The following DIAPH3 variants were observed in gnomAD, a reference collection of about 807,000 sequenced individuals.
DIAPH3 encodes diaphanous related formin 3.
DIAPH3 carries 117 observed loss-of-function variants against 144.3 expected under a neutral mutation model. The ratio of observed to expected loss-of-function variants is 0.81; its 90% CI spans 0.70 to 0.95. The LOEUF (loss-of-function observed/expected upper bound fraction) is 0.95. Among genes scored for constraint, DIAPH3 ranks in the 40% least tolerant of loss-of-function variants. DIAPH3 has a pLI of 0.00. For missense variants in DIAPH3, 1,421 were observed against 1,412.7 expected (o/e 1.01, Z -0.09); for synonymous variants, 519 against 488.9 (o/e 1.06, Z -0.81).
chr13:59,998,381 T>A (rs2052332774), intron 9 of DIAPH3, among the ~76,000 whole-genome samples: 1 of 152,144 alleles, frequency 6.6e-6, no homozygotes, highest in African/African-American at 2.4e-5. Context: ...TTCTTGAGTA[T>A]AAGCTTCTTA....
At chr13:60,038,588 A>G (rs1433428877) in intron 5 of DIAPH3, among the ~76,000 whole-genome samples, 2 of 152,164 alleles carry the variant, frequency 1.3e-5, no homozygotes, top group African/African-American at 4.8e-5. Flanking sequence ...TTTCTGCAAA[A>G]TTTTCCAAAA....
Position 59,774,218 on chromosome 13 carries a change from T to C in DIAPH3, c.3290A>G (p.Gln1097Arg), listed in dbSNP as rs1443207416. 6.2e-7 allele frequency: 1 copy of C among 1,612,982 alleles called. No individual in the cohort carries two copies. Among genetic ancestry groups the C allele is most frequent in the Non-Finnish European group, 8.5e-7 (1 of 1,179,632 alleles). ...GTTACAAACTTTCAGAACAGGCCTC[T>C]GAGACATTGGACTGAGACTCTGCCG... is the stretch of plus-strand genomic sequence containing the variant. ...DVRQSLSPMS[Q>R]RPVLKVCNHE... The change falls in exon 27 of 28, where the codon CAG becomes CGG. Residue 1097 changes from glutamine (Q) to arginine (R), a missense_variant. Gln to Arg is a conservative substitution (Grantham distance 43). Transcript: ENST00000400324.
chr13:60,070,282 A>AT lies in DIAPH3; in HGVS notation c.495+23345dup, dbSNP rs61432510. Among the ~76,000 whole-genome samples, 629 of 132,548 alleles carry AT rather than the reference A, an allele frequency of 4.7e-3. 4 individuals are homozygous for AT. The highest frequency in any genetic ancestry group is 0.016 in the African/African-American group (584 of 36,312). 87.0% of individuals were successfully genotyped at this position (132,548 alleles called of 152,430 possible). On this transcript the variant is annotated intron_variant, in intron 4 of 27. Transcript: ENST00000400324. ...ATTCTTGATTTGGCTTTTCTGTTGG[A>AT]TTTTTTTTTTTTTTTTGCTCTTTTT...
chr13:59,800,441 C>T (rs1220453642), intron 25 of DIAPH3, among the ~76,000 whole-genome samples: 3 of 152,182 alleles, frequency 2.0e-5, no homozygotes, highest in Admixed American at 1.3e-4. Flanking sequence ...ATTTCCCCAT[C>T]ACATGAGTGT....
At chr13:59,910,416 A>G (rs1472245224) in intron 20 of DIAPH3, among the ~76,000 whole-genome samples, 2 of 152,152 alleles carry the variant, frequency 1.3e-5, no homozygotes, top group Non-Finnish European at 2.9e-5. Context: ...TTGTTTTCTT[A>G]AAGACAACGA....
At chr13:60,059,070 A>G (rs894118660) in intron 4 of DIAPH3, among the ~76,000 whole-genome samples, 2 of 151,926 alleles carry the variant, frequency 1.3e-5, no homozygotes, top group African/African-American at 2.4e-5. Flanking sequence ...TAATATGTAT[A>G]AAAAGTATGA....
At position 59,783,233 on chromosome 13, in the gene DIAPH3, T is replaced by C. The variant is rs147185160; in HGVS notation, c.3164-8410A>G. Among the ~76,000 whole-genome samples the C allele has an allele frequency of 6.6e-3, 1,008 of 152,116 alleles. 3 individuals are homozygous for C. Among genetic ancestry groups the C allele is most frequent in the Middle Eastern group, 0.024 (7 of 294 alleles). On this transcript the variant is annotated intron_variant, in intron 25 of 27. Transcript: ENST00000400324. ...AATAGAAAAAAGAAAGGAGGAGACA[T>C]AGAGAAATCTTGGTATCCGTGGTTG... is the stretch of plus-strand genomic sequence containing the variant.
chr13:59,888,929 C>T (rs2045619371), intron 20 of DIAPH3, among the ~76,000 whole-genome samples: 2 of 151,930 alleles, frequency 1.3e-5, no homozygotes, highest in African/African-American at 4.8e-5. Context: ...CTTCTGTTGA[C>T]TTCTGCTGTC....
At chr13:59,861,145 G>T in intron 22 of DIAPH3, 1 of 1,149,558 alleles carries the variant, frequency 8.7e-7, no homozygotes. Context: ...AGAAGGTAGG[G>T]CTAGCAGGTA....
intron 17 of DIAPH3, among the ~76,000 whole-genome samples, chr13:59,934,697 A>T (rs2048179116): frequency 1.1e-5 from 1 of 88,236 alleles, no homozygotes. Flanking sequence ...AAATCAGGAA[A>T]CCTAAGCAGA....
chr13:60,149,125 C>T (rs1951665643), intron 1 of DIAPH3, among the ~76,000 whole-genome samples: 1 of 152,300 alleles, frequency 6.6e-6, no homozygotes, highest in South Asian at 2.1e-4. Context: ...TTTTCTTTCA[C>T]AATGGTAAAC....
At chr13:59,975,216 AT>A (rs1363307880) in intron 14 of DIAPH3, among the ~76,000 whole-genome samples, 1 of 152,012 alleles carries the variant, frequency 6.6e-6, no homozygotes, top group African/African-American at 2.4e-5. Context: ...GAAAAAAAAA[AT>A]CAATCAAAAA....
chr13:59,789,602 CA>C (rs2039224157), intron 25 of DIAPH3, among the ~76,000 whole-genome samples: 1 of 151,846 alleles, frequency 6.6e-6, no homozygotes, highest in Non-Finnish European at 1.5e-5. Flanking sequence ...CAGGAGAAGC[CA>C]GGATAAATGG....
intron 22 of DIAPH3, among the ~76,000 whole-genome samples, chr13:59,844,776 T>A (rs553575654): frequency 6.6e-6 from 1 of 152,296 alleles, no homozygotes; most frequent in Non-Finnish European, 1.5e-5. Context: ...TTCCACCAGA[T>A]GACATCTCTC....
intron 4 of DIAPH3, among the ~76,000 whole-genome samples, chr13:60,050,288 A>G (rs2056275076): frequency 6.6e-6 from 1 of 152,196 alleles, no homozygotes; most frequent in African/African-American, 2.4e-5. Flanking sequence ...AAGAACTTCT[A>G]GCAAACAGAA....
intron 9 of DIAPH3, among the ~76,000 whole-genome samples, chr13:59,994,454 A>T (rs2052057584): frequency 6.6e-6 from 1 of 151,950 alleles, no homozygotes; most frequent in African/African-American, 2.4e-5. Flanking sequence ...ATGCCATATC[A>T]ATCAACGCCT....
intron 27 of DIAPH3, among the ~76,000 whole-genome samples, chr13:59,740,534 A>G (rs1370368320): frequency 6.6e-6 from 1 of 152,210 alleles, no homozygotes; most frequent in African/African-American, 2.4e-5. Flanking sequence ...TGCTAAGTCT[A>G]ACACCAAGCA....
At chr13:59,833,847 G>A (rs1051163629) in intron 23 of DIAPH3, among the ~76,000 whole-genome samples, 1 of 151,706 alleles carries the variant, frequency 6.6e-6, no homozygotes, top group African/African-American at 2.4e-5. Context: ...TCTCAGAAAA[G>A]TGGGCATTTA....
Position 59,786,944 on chromosome 13 carries a change from T to TA in DIAPH3, c.3164-12122dup, listed in dbSNP as rs558330128. Among the ~76,000 whole-genome samples the TA allele has an allele frequency of 6.6e-3, 981 of 148,728 alleles. 17 individuals are homozygous for TA. Among genetic ancestry groups the TA allele is most frequent in the African/African-American group, 0.022 (889 of 40,628 alleles). ...GGCAACATAGTGAGACCTTGTCTCT[T>TA]AAAAAAAAAATAGCCAGTATGGTGG... On this transcript the variant is annotated intron_variant, in intron 25 of 27. Transcript: ENST00000400324.
Sources: gnomAD v4.1 joint callset for allele counts (sites outside exome capture counted in the v4.1 genomes callset) on GRCh38, gnomAD v4.1.1 for gene constraint, MANE v1.5 for transcripts, NCBI Gene and HGNC (gene_info 2026-07-23, HGNC 2026-07-21) for gene names.